Variants in HECTD3 observed in about 807,000 individuals in gnomAD.
HECTD3 encodes the protein E3 ubiquitin-protein ligase HECTD3.
A neutral mutation model predicts 109.3 loss-of-function variants in HECTD3; 72 were observed. The observed-to-expected ratio is 0.66, with a 90% CI of 0.54 to 0.80. The LOEUF is 0.80. Among genes scored for constraint, HECTD3 ranks in the 30% least tolerant of loss-of-function variants. The pLI is 0.00. For synonymous variants in HECTD3, 481 were observed against 471.8 expected (o/e 1.02, Z -0.25); for missense variants, 1,041 against 1,165.2 (o/e 0.89, Z 1.55).
rs765117087 is a variant in HECTD3, at chr1:45,003,601, G to A, written c.2502-25C>T. On this transcript the variant is annotated intron_variant, in intron 20 of 20. Coordinates refer to ENST00000372172, the MANE Select transcript of HECTD3 (RefSeq NM_024602.6). This position sits in a 1 kb window ranked among gnomAD's most constrained non-coding sequence, Gnocchi z 4.7. ...ACTGTGGGAATGGGGACTTGGTCAG[G>A]TCCCTACATCGCTACCAGGGGTGAT... 3 of 1,613,806 alleles carry A rather than the reference G, an allele frequency of 1.9e-6. No individual in the cohort carries two copies. The highest frequency in any genetic ancestry group is 2.5e-6 in the Non-Finnish European group (3 of 1,179,716).
intron 10 of HECTD3, 30 bp downstream of exon 10, chr1:45,007,383 T>G: frequency 6.2e-7 from 1 of 1,612,590 alleles, no homozygotes; most frequent in South Asian, 1.1e-5. Context: ...TGACTGATCC[T>G]ATCTCAGTCG....
At chr1:45,007,618 G>A (rs1446442747) in intron 9 of HECTD3, 23 bp from the exon 10 acceptor site, 2 of 1,596,598 alleles carry the variant, frequency 1.3e-6, no homozygotes, top group Admixed American at 1.7e-5. Flanking sequence ...GGTGGCCAGA[G>A]CAGGAATGAG....
rs748955162 is a variant in HECTD3 at position 45,004,373 on chromosome 1, G to T, written c.2147C>A (p.Ala716Glu). The change falls in exon 17 of 21, where the codon GCA becomes GAA. Residue 716 changes from alanine (A) to glutamate (E), a missense_variant. Around this residue, in one of 2 missense-constraint regions of HECTD3, gnomAD observed 569 missense variants for 715.3 expected, o/e 0.80. Coordinates refer to ENST00000372172, the MANE Select transcript of HECTD3 (RefSeq NM_024602.6). ...CTTCAGCAGACCTGCCTGCATAGCT[G>T]CCACCTGGGGAGTGGGTAAAAAGGC... ...ARLEESKEQV[A>E]AMQAGLLKVV... 1.9e-6 allele frequency: 3 copies of T among 1,613,972 alleles called. No individual in the cohort carries two copies. In the African/African-American group the frequency reaches 4.0e-5, roughly 22 times the overall value.
In HECTD3 at chr1:45,008,662, T is replaced by C. The variant is rs915192086; in HGVS notation, c.1112A>G (p.Lys371Arg). ...IDVRLRGVKI[K>R]SSRQRELGLN... ...CCCTAGTTCCCGCTGTCTAGATGAC[T>C]TGATCTTGACCCCTCGGAGACGAAC... is the stretch of plus-strand genomic sequence containing the variant. Residue 371 changes from lysine to arginine, a missense_variant, in exon 8 of 21, where the codon AAG becomes AGG. Lys to Arg is a conservative substitution (Grantham distance 26). Transcript: ENST00000372172. The C allele has an allele frequency of 6.2e-7, 1 of 1,613,822 alleles. No homozygotes were observed. Among genetic ancestry groups the C allele is most frequent in the Non-Finnish European group, 8.5e-7 (1 of 1,179,990 alleles).
rs1479985222 is a variant in HECTD3 at position 45,005,954 on chromosome 1, G to A, written c.1845+43C>T. ...AGGTTTGGCTGGCCTTTCCTTCCAA[G>A]GGCCAGGGCTGATCGGACGGGGGTG... is the stretch of plus-strand genomic sequence containing the variant. On this transcript the variant is annotated intron_variant, in intron 14 of 20. Transcript: ENST00000372172. The A allele has an allele frequency of 3.7e-6, 6 of 1,606,158 alleles. No homozygotes were observed. In the Admixed American group the frequency reaches 6.7e-5, roughly 18 times the overall value.
Position 45,010,676 on chromosome 1 carries a change from C to T in HECTD3, c.400G>A (p.Gly134Arg), listed in dbSNP as rs901783974. 2 of 1,574,676 alleles carry T rather than the reference C, an allele frequency of 1.3e-6. No homozygotes were observed. The highest frequency in any genetic ancestry group is 1.7e-6 in the Non-Finnish European group (2 of 1,165,006). ...ACCAGCAGCCAGCCTTCCTGCAGCC[C>T]GCAGTCGCCCAGGTGCTCTGCCAGC... ...EQLAEHLGDC[G>R]LQEGWLLVCR... The change falls in exon 2 of 21, where the codon GGG (glycine) becomes AGG (arginine). Residue 134 changes from glycine to arginine, a missense_variant. Physicochemically the swap from Gly to Arg is moderately radical, Grantham distance 125. Transcript: ENST00000372172.
Position 45,009,500 on chromosome 1 carries a change from G to A in HECTD3, c.876-18C>T, listed in dbSNP as rs772968135. Reference sequence around the variant, plus strand: ...GCAGCTTCCTGAAGGGTCAGAGTGTGAATATGAGTCTTTGTGAACCCACAG... The same window carrying A: ...GCAGCTTCCTGAAGGGTCAGAGTGTAAATATGAGTCTTTGTGAACCCACAG... On this transcript the variant is annotated intron_variant, in intron 5 of 20. Coordinates refer to ENST00000372172, the MANE Select transcript of HECTD3 (RefSeq NM_024602.6). 1 of 1,608,576 alleles carries A rather than the reference G, an allele frequency of 6.2e-7. No homozygotes were observed.
Position 45,004,268 on chromosome 1 carries a change from A to T in HECTD3, c.2252T>A (p.Val751Glu). Residue 751 changes from valine (V) to glutamate (E), a missense_variant, in exon 17 of 21, where the codon GTG (valine) becomes GAG (glutamate). This residue lies in a region of HECTD3 where 569 missense variants were observed against 715.3 expected (regional missense o/e 0.80). Transcript: ENST00000372172. ...KKVCGDPEVT[V>E]DALRKLTRFE... is the part of the protein sequence containing the mutation. ...CTCACTGAGCTTGCGCAGAGCATCC[A>T]CAGTGACCTCTGGATCCCCACACAC... The T allele has an allele frequency of 6.2e-7, 1 of 1,614,034 alleles. No homozygotes were observed. Among genetic ancestry groups the T allele is most frequent in the Middle Eastern group, 1.6e-4 (1 of 6,062 alleles).
chr1:45,005,530 A>G (rs1644727965), intron 15 of HECTD3: 1 of 371,370 alleles, frequency 2.7e-6, no homozygotes. Flanking sequence ...CGGAGAAGAT[A>G]AAGAACACAC....
intron 16 of HECTD3, 93 bp from the exon 17 acceptor site, chr1:45,004,470 G>A: frequency 1.2e-6 from 2 of 1,602,322 alleles, no homozygotes; most frequent in Non-Finnish European, 1.7e-6. Flanking sequence ...GCAGCAGAAA[G>A]GTGGCACTGA....
rs755500418 is a variant in HECTD3 at position 45,009,319 on chromosome 1, G to A, written c.989+50C>T. The A allele has an allele frequency of 9.7e-6, 15 of 1,553,726 alleles. No homozygotes were observed. The Admixed American group carries it at 1.3e-4, about 14-fold the overall frequency. On this transcript the variant is annotated intron_variant, in intron 6 of 20. Transcript: ENST00000372172. The stretch of plus-strand genomic sequence containing the variant: ...CACTCAAACTTAGGCTTTCAAGCTG[G>A]GCTAGGCTTGGAACATGCCCTACTT...
intron 17 of HECTD3, 33 bp downstream of exon 17, chr1:45,004,215 C>T (rs1368877244): frequency 3.1e-6 from 5 of 1,613,426 alleles, no homozygotes; most frequent in Admixed American, 3.3e-5. Flanking sequence ...CTGTGCTGTG[C>T]TGCCCTGCCC....
At chr1:45,004,852 A>G (rs943297813) in intron 15 of HECTD3, 46 bp from the exon 16 acceptor site, 6 of 1,538,776 alleles carry the variant, frequency 3.9e-6, no homozygotes, top group Non-Finnish European at 5.4e-6. Context: ...CACTGTGGAG[A>G]TAGTCCCTGT....
intron 2 of HECTD3, 100 bp from the exon 3 acceptor site, chr1:45,010,393 C>T (rs1644777689): frequency 6.8e-7 from 1 of 1,465,928 alleles, no homozygotes; most frequent in South Asian, 1.1e-5. Context: ...ATCTCCCAGT[C>T]TCCCTCCGAG....
chr1:45,006,007 T>C lies in HECTD3; in HGVS notation c.1835A>G (p.Lys612Arg). ...GATAAGGCTACTCACCAGGAACTCCTTACCCCGAAGGGCAGCCCCCATCAG... is the reference window on the plus strand; with the variant it reads ...GATAAGGCTACTCACCAGGAACTCCCTACCCCGAAGGGCAGCCCCCATCAG... ...GQLMGAALRG[K>R]EFLVLALPGF... The change falls in exon 14 of 21, where the codon AAG (lysine) becomes AGG (arginine). Residue 612 changes from lysine (K) to arginine (R), a missense_variant. By Grantham distance (26) the Lys-to-Arg change is conservative. This residue lies in a region of HECTD3 where 569 missense variants were observed against 715.3 expected (regional missense o/e 0.80). Coordinates refer to ENST00000372172, the MANE Select transcript of HECTD3 (RefSeq NM_024602.6). This position sits in a 1 kb window ranked among gnomAD's most constrained non-coding sequence, Gnocchi z 4.7. 6.2e-7 allele frequency: 1 copy of C among 1,614,056 alleles called. No individual in the cohort carries two copies. Among genetic ancestry groups the C allele is most frequent in the South Asian group, 1.1e-5 (1 of 91,082 alleles).
In HECTD3 at chr1:45,007,421, A is replaced by G; in HGVS notation, c.1495T>C (p.Phe499Leu). The part of the protein sequence containing the change: ...SRDPACKNAV[F>L]TQVYEGLKPS... The stretch of plus-strand genomic sequence containing the variant: ...CCCTAGGTGGTGCAGACCTGGGTGA[A>G]GACTGCATTCTTGCAGGCAGGGTCT... Residue 499 changes from phenylalanine (F) to leucine (L), a missense_variant, in exon 10 of 21, where the codon TTC becomes CTC. Around this residue, in one of 2 missense-constraint regions of HECTD3, gnomAD observed 569 missense variants for 715.3 expected, o/e 0.80. Transcript: ENST00000372172. 1 of 1,614,112 alleles carries G rather than the reference A, an allele frequency of 6.2e-7. No homozygotes were observed. The highest frequency in any genetic ancestry group is 8.5e-7 in the Non-Finnish European group (1 of 1,180,004).
chr1:45,005,843 C>T lies in HECTD3; in HGVS notation c.1886G>A (p.Gly629Asp), dbSNP rs1644730748. 1.2e-6 allele frequency: 2 copies of T among 1,609,182 alleles called. No individual in the cohort carries two copies. The highest frequency in any genetic ancestry group is 1.7e-6 in the Non-Finnish European group (2 of 1,177,392). Reference sequence around the variant, plus strand: ...GTCCTTGCTCCAGCTCACCTCCTCACCAGAAAGCTGCTTCCACACAAAACC... The same window carrying T: ...GTCCTTGCTCCAGCTCACCTCCTCATCAGAAAGCTGCTTCCACACAAAACC... The part of the protein sequence containing the change: ...LPGFVWKQLS[G>D]EEVSWSKDFP... Residue 629 changes from glycine to aspartate, a missense_variant, in exon 15 of 21, where the codon GGT (glycine) becomes GAT (aspartate). This residue lies in a region of HECTD3 where 569 missense variants were observed against 715.3 expected (regional missense o/e 0.80). Coordinates refer to ENST00000372172, the MANE Select transcript of HECTD3 (RefSeq NM_024602.6).
chr1:45,010,582 T>C lies in HECTD3; in HGVS notation c.494A>G (p.Gln165Arg), dbSNP rs767796386. The C allele has an allele frequency of 7.4e-6, 12 of 1,613,480 alleles. No individual in the cohort carries two copies. In the East Asian group the frequency reaches 2.7e-4, roughly 36 times the overall value. Residue 165 changes from glutamine (Q) to arginine (R), a missense_variant, in exon 2 of 21, where the codon CAG becomes CGG. Physicochemically the swap from Gln to Arg is conservative, Grantham distance 43 (BLOSUM62 1). Coordinates refer to ENST00000372172, the MANE Select transcript of HECTD3 (RefSeq NM_024602.6). ...CCGATAATCCACGCCAAAGAGCTGCTGCTGCCGCTGGAGGTGGTTGGGAGT... is the reference window on the plus strand; with the variant it reads ...CCGATAATCCACGCCAAAGAGCTGCCGCTGCCGCTGGAGGTGGTTGGGAGT... ...IDTPNHLQRQ[Q>R]QLFGVDYRPV... is the part of the protein sequence containing the mutation.
rs1644731753 is a variant in HECTD3 at position 45,005,994 on chromosome 1, C to T, written c.1845+3G>A. Reference sequence around the variant, plus strand: ...GGACGGGGGTGTGGATAAGGCTACTCACCAGGAACTCCTTACCCCGAAGGG... The same window carrying T: ...GGACGGGGGTGTGGATAAGGCTACTTACCAGGAACTCCTTACCCCGAAGGG... On this transcript the variant is annotated splice_donor_region_variant and intron_variant, in intron 14 of 20. Transcript: ENST00000372172. 2.5e-6 allele frequency: 4 copies of T among 1,613,896 alleles called. No homozygotes were observed. The highest frequency in any genetic ancestry group is 2.2e-5 in the South Asian group (2 of 91,058).
Sources: allele counts gnomAD v4.1 joint callset, GRCh38; gene constraint gnomAD v4.1.1; regional missense constraint gnomAD v4.1.1; non-coding constraint Gnocchi (gnomAD v3.1); transcripts MANE v1.5; gene names NCBI Gene and HGNC (gene_info 2026-07-23, HGNC 2026-07-21).